Variants in COL6A6 observed in about 807,000 individuals in gnomAD.
The protein encoded by COL6A6 is collagen type VI alpha 6 chain.
In COL6A6, 183 loss-of-function variants were observed where a neutral mutation model predicts 208.6. That is an observed-to-expected ratio of 0.88 (90% CI 0.78 to 0.99). The LOEUF is 0.99. Among genes scored for constraint, COL6A6 ranks in the 50% least tolerant of loss-of-function variants. COL6A6 has a pLI of 0.00. For synonymous variants in COL6A6, 973 were observed against 1,011.8 expected (o/e 0.96, Z 0.73); for missense variants, 2,816 against 2,815.2 (o/e 1.00, Z -0.01).
chr3:130,601,426 G>C (rs1201976937), intron 20 of COL6A6, among the ~76,000 whole-genome samples: 1 of 152,148 alleles, frequency 6.6e-6, no homozygotes, highest in Non-Finnish European at 1.5e-5. Flanking sequence ...TGCTGGAAAA[G>C]TGCTTTACTA....
chr3:130,570,755 G>C, intron 6 of COL6A6, 63 bp from the exon 7 acceptor site: 1 of 1,256,030 alleles, frequency 8.0e-7, no homozygotes, highest in South Asian at 1.4e-5. Context: ...TAAAAAGGTT[G>C]AGGCGTCTCC....
At chr3:130,636,580 G>A (rs565075527) in intron 28 of COL6A6, among the ~76,000 whole-genome samples, 1 of 152,150 alleles carries the variant, frequency 6.6e-6, no homozygotes, top group East Asian at 1.9e-4. Flanking sequence ...TGATAAAAAT[G>A]TATACTTGAA....
At chr3:130,543,128 T>A (rs541778326) in intron 1 of COL6A6, among the ~76,000 whole-genome samples, 4 of 152,084 alleles carry the variant, frequency 2.6e-5, no homozygotes, top group Non-Finnish European at 4.4e-5. Flanking sequence ...ATGGTCTCGA[T>A]GTCCTGACCT....
At chr3:130,654,284 C>A (rs1182656536) in intron 33 of COL6A6, among the ~76,000 whole-genome samples, 1 of 148,646 alleles carries the variant, frequency 6.7e-6, no homozygotes, top group Non-Finnish European at 1.5e-5. Context: ...TCTTCTAGAT[C>A]AAATGTTCCA....
chr3:130,634,652 G>A, intron 27 of COL6A6, 27 bp downstream of exon 27: 1 of 1,574,412 alleles, frequency 6.4e-7, no homozygotes, highest in Non-Finnish European at 8.7e-7. Context: ...AGTAACTAGA[G>A]ATCAGTCAGA....
chr3:130,579,948 T>C (rs1021642439), intron 8 of COL6A6, among the ~76,000 whole-genome samples: 5 of 152,228 alleles, frequency 3.3e-5, no homozygotes, highest in African/African-American at 4.8e-5. Flanking sequence ...GAATCATTTG[T>C]CAATTCAAAT....
chr3:130,650,350 C>T (rs2065600413), intron 33 of COL6A6, among the ~76,000 whole-genome samples: 1 of 152,164 alleles, frequency 6.6e-6, no homozygotes, highest in African/African-American at 2.4e-5. Flanking sequence ...GGGCCGGGAG[C>T]GGTGGCTCAC....
At chr3:130,517,122 G>T (rs1291850307), upstream of COL6A6, among the ~76,000 whole-genome samples, 1 of 152,160 alleles carries the variant, frequency 6.6e-6, no homozygotes, top group Non-Finnish European at 1.5e-5. Context: ...GGCGGGGAAG[G>T]GTCGGGCCCG....
At chr3:130,670,740 A>G (rs1362458733) in intron 36 of COL6A6, among the ~76,000 whole-genome samples, 1 of 152,240 alleles carries the variant, frequency 6.6e-6, no homozygotes, top group Non-Finnish European at 1.5e-5. Context: ...ATGTCCCAGC[A>G]AAGAGGCTGC....
chr3:130,655,229 T>C (rs1011438285), intron 33 of COL6A6, among the ~76,000 whole-genome samples: 6 of 152,142 alleles, frequency 3.9e-5, no homozygotes, highest in African/African-American at 1.4e-4. Context: ...GTTAAATCTT[T>C]CCCACGGTGG....
At chr3:130,649,826 A>G (rs1451902229) in intron 33 of COL6A6, among the ~76,000 whole-genome samples, 1 of 152,232 alleles carries the variant, frequency 6.6e-6, no homozygotes, top group Admixed American at 6.5e-5. Context: ...CTGAGCATGC[A>G]GAAGTTAAGC....
intron 6 of COL6A6, among the ~76,000 whole-genome samples, 182 bp from the exon 7 acceptor site, chr3:130,570,636 A>G (rs1221984467): frequency 6.6e-6 from 1 of 152,168 alleles, no homozygotes; most frequent in Non-Finnish European, 1.5e-5. Context: ...CTAAGTGAGT[A>G]TTAACTGTAT....
intron 1 of COL6A6, among the ~76,000 whole-genome samples, chr3:130,520,278 A>C (rs1263961123): frequency 6.6e-6 from 1 of 152,258 alleles, no homozygotes; most frequent in Non-Finnish European, 1.5e-5. Context: ...TAAAGCAGTT[A>C]CCAAAAGCTA....
At chr3:130,581,003 G>GTT (rs532151471) in intron 8 of COL6A6, among the ~76,000 whole-genome samples, 8 of 143,732 alleles carry the variant, frequency 5.6e-5, no homozygotes, top group African/African-American at 1.0e-4. Flanking sequence ...GAATTTTTTA[G>GTT]TTTTTTTTTT....
At chr3:130,613,279 C>T (rs867157734) in intron 23 of COL6A6, among the ~76,000 whole-genome samples, 2 of 152,148 alleles carry the variant, frequency 1.3e-5, no homozygotes, top group African/African-American at 4.8e-5. Flanking sequence ...GAGTCTTTTC[C>T]TCATTGCTTG....
intron 23 of COL6A6, among the ~76,000 whole-genome samples, chr3:130,621,125 G>T (rs950069506): frequency 7.2e-5 from 11 of 152,118 alleles, no homozygotes; most frequent in Non-Finnish European, 1.6e-4. Flanking sequence ...ATAGATAGGT[G>T]TTATATTTAT....
intron 1 of COL6A6, among the ~76,000 whole-genome samples, chr3:130,527,890 C>CTTTTTTTT (rs56110472): frequency 8.3e-4 from 48 of 57,764 alleles, no homozygotes; most frequent in Non-Finnish European, 1.2e-3. Flanking sequence ...GTTACTTTTC[C>CTTTTTTTT]TTTTTTTTTT....
rs1474900658 is a variant in COL6A6 at position 130,565,248 on chromosome 3, G to A, written c.916G>A (p.Ala306Thr). The A allele has an allele frequency of 1.9e-6, 3 of 1,614,038 alleles. No individual in the cohort carries two copies. The South Asian group carries it at 3.3e-5, about 18-fold the overall frequency. ...IQNLSPRTGK[A>T]YTGAAIKKLR... ...GAACCTTTCTCCCCGAACTGGGAAG[G>A]CCTATACTGGAGCTGCCATCAAAAA... is the stretch of plus-strand genomic sequence containing the variant. Residue 306 changes from alanine (A) to threonine (T), a missense_variant, in exon 4 of 37, where the codon GCC (alanine) becomes ACC (threonine). Coordinates refer to ENST00000358511, the MANE Select transcript of COL6A6 (RefSeq NM_001102608.3).
At chr3:130,661,548 T>C (rs1195868839) in intron 34 of COL6A6, 89 bp from the exon 35 acceptor site, 1 of 995,876 alleles carries the variant, frequency 1.0e-6, no homozygotes, top group African/African-American at 1.6e-5. Context: ...CATCAAAGAC[T>C]ATGCAGTTTC....
Sources: gnomAD v4.1 joint callset for allele counts (sites outside exome capture counted in the v4.1 genomes callset) on GRCh38, gnomAD v4.1.1 for gene constraint, MANE v1.5 for transcripts, NCBI Gene and HGNC (gene_info 2026-07-23, HGNC 2026-07-21) for gene names.